The following ARHGAP35 variants were observed in gnomAD, a reference collection of about 807,000 sequenced individuals.
The protein encoded by ARHGAP35 is rho GTPase-activating protein 35.
In ARHGAP35, 15 loss-of-function variants were observed where a neutral mutation model predicts 111.1. That is an observed-to-expected ratio of 0.13 (90% CI 0.09 to 0.21). ARHGAP35 has a LOEUF of 0.21. Ranked by LOEUF, ARHGAP35 falls within the 10% of genes least tolerant of loss-of-function variation. The pLI is 1.00. For missense variants in ARHGAP35, 1,262 were observed against 1,873.0 expected (o/e 0.67, Z 6.02); for synonymous variants, 643 against 710.3 (o/e 0.91, Z 1.51).
intron 3 of ARHGAP35, among the ~76,000 whole-genome samples, chr19:46,976,083 T>C (rs917990230): frequency 6.6e-6 from 1 of 152,218 alleles, no homozygotes; most frequent in African/African-American, 2.4e-5. Context: ...TGAGGTATAC[T>C]GTTTCATATG....
chr19:46,987,644 A>C (rs2056658404), intron 3 of ARHGAP35, among the ~76,000 whole-genome samples: 1 of 152,250 alleles, frequency 6.6e-6, no homozygotes, highest in Non-Finnish European at 1.5e-5. Context: ...AAGTGAAAGT[A>C]ATTGGGTTAA....
rs538756088 is a variant in ARHGAP35, at chr19:46,960,185, C to T, written c.3826+22777C>T. ...AGGAATGTGTGCTTATGCCCTTTTC[C>T]GCCTTCTCTCCATTAGCCCTGGCTG... On this transcript the variant is annotated intron_variant, in intron 3 of 6. Transcript: ENST00000672722. Among the ~76,000 whole-genome samples the T allele has an allele frequency of 9.9e-5, 15 of 151,870 alleles. No homozygotes were observed. The East Asian group carries it at 1.7e-3, about 18-fold the overall frequency.
At chr19:46,960,608 T>TA (rs1054930283) in intron 3 of ARHGAP35, among the ~76,000 whole-genome samples, 15 of 152,040 alleles carry the variant, frequency 9.9e-5, no homozygotes, top group East Asian at 1.9e-4. Flanking sequence ...CGTATTTTGT[T>TA]AAAAAAAATT....
At chr19:46,904,435 T>C (rs2056095740) in intron 1 of ARHGAP35, among the ~76,000 whole-genome samples, 1 of 152,228 alleles carries the variant, frequency 6.6e-6, no homozygotes, top group African/African-American at 2.4e-5. Flanking sequence ...TTGGCTAATC[T>C]TCTGTCAGCG....
chr19:46,967,838 C>G (rs2056523998), intron 3 of ARHGAP35, among the ~76,000 whole-genome samples: 1 of 152,232 alleles, frequency 6.6e-6, no homozygotes, highest in Non-Finnish European at 1.5e-5. Context: ...GAGACTCCCT[C>G]CCAGAGTCCT....
At position 47,000,975 on chromosome 19, in the gene ARHGAP35, C is replaced by T. The variant is rs975630472; in HGVS notation, c.*287C>T. 14 of 1,504,058 alleles carry T rather than the reference C, an allele frequency of 9.3e-6. 1 individual carries two copies. In the South Asian group the frequency reaches 1.3e-4, roughly 14 times the overall value. The allele number at this position is 1,504,058 out of a possible 1,614,324, so 93.2% of individuals were successfully genotyped here. On this transcript the variant is annotated 3_prime_UTR_variant, in exon 7 of 7. Transcript: ENST00000672722. This position sits in a 1 kb window ranked among gnomAD's most constrained non-coding sequence, Gnocchi z 6.9. ...CTCTGTTCCCTGGACCACCACCCCA[C>T]GTAGCTGCTCACACCAGCCTCCGGG...
At chr19:46,900,261 AC>A (rs1342590089) in intron 1 of ARHGAP35, among the ~76,000 whole-genome samples, 5 of 133,184 alleles carry the variant, frequency 3.8e-5, no homozygotes, top group Admixed American at 2.6e-4. Flanking sequence ...TCACTCTGTC[AC>A]CCAAGTTGGA....
chr19:46,883,438 CAG>C (rs773834118), intron 1 of ARHGAP35, among the ~76,000 whole-genome samples: 6 of 152,148 alleles, frequency 3.9e-5, no homozygotes, highest in Non-Finnish European at 7.4e-5. Flanking sequence ...TCTCAGAGAA[CAG>C]GGACAGAGAT....
intron 1 of ARHGAP35, among the ~76,000 whole-genome samples, chr19:46,904,892 ATATGTGCC>A: frequency 6.6e-6 from 1 of 152,166 alleles, no homozygotes; most frequent in Admixed American, 6.5e-5. Flanking sequence ...GTCTCCCACC[ATATGTGCC>A]TATGCTCCGC....
intron 1 of ARHGAP35, among the ~76,000 whole-genome samples, chr19:46,889,487 T>A (rs311375): frequency 0.59 from 90,045 of 151,486 alleles, 27,125 homozygotes; most frequent in Middle Eastern, 0.81. Context: ...CAAAGAACCG[T>A]TCTTTAGTAA....
At chr19:46,867,870 A>AT (rs896984081) in intron 1 of ARHGAP35, among the ~76,000 whole-genome samples, 34 of 151,536 alleles carry the variant, frequency 2.2e-4, no homozygotes, top group African/African-American at 8.0e-4. Context: ...CTTTTTTTAA[A>AT]TTTTTTCTTT....
intron 3 of ARHGAP35, among the ~76,000 whole-genome samples, chr19:46,976,452 G>A (rs1396054877): frequency 1.3e-5 from 2 of 152,164 alleles, no homozygotes; most frequent in Non-Finnish European, 2.9e-5. Context: ...CTGGCACACC[G>A]CCTGGAGAGC....
rs771270078 is a variant in ARHGAP35, at chr19:47,000,581, A to G, written c.4393A>G (p.Thr1465Ala). Residue 1465 changes from threonine (T) to alanine (A), a missense_variant, in exon 7 of 7, where the codon ACG becomes GCG. Coordinates refer to ENST00000672722, the MANE Select transcript of ARHGAP35 (RefSeq NM_004491.5). This position sits in a 1 kb window ranked among gnomAD's most constrained non-coding sequence, Gnocchi z 6.9. ...TTCCACCGTCCCCTTCCTCACTTCCACGCCTGTCACAAGTCAGCCGTCGCC... is the reference window on the plus strand; with the variant it reads ...TTCCACCGTCCCCTTCCTCACTTCCGCGCCTGTCACAAGTCAGCCGTCGCC... The part of the protein sequence containing the change: ...VASTVPFLTS[T>A]PVTSQPSPPQ... The G allele has an allele frequency of 2.6e-5, 41 of 1,604,956 alleles. No homozygotes were observed. In the South Asian group the frequency reaches 4.4e-4, roughly 17 times the overall value.
Position 46,978,939 on chromosome 19 carries a change from G to A in ARHGAP35, c.3827-9050G>A, listed in dbSNP as rs573868572. On this transcript the variant is annotated intron_variant, in intron 3 of 6. Coordinates refer to ENST00000672722, the MANE Select transcript of ARHGAP35 (RefSeq NM_004491.5). ...TGTGTGTGGTGGGGTTTGTGTGGTG[G>A]GCTGTGTGTGTGTGGTGGGGTTTGG... Among the ~76,000 whole-genome samples, 56 of 135,694 alleles carry A rather than the reference G, an allele frequency of 4.1e-4. 1 individual carries two copies. The highest frequency in any genetic ancestry group is 1.5e-3 in the African/African-American group (54 of 36,238). The allele number at this position is 135,694 out of a possible 152,430, so 89.0% of individuals were successfully genotyped here.
intron 1 of ARHGAP35, among the ~76,000 whole-genome samples, chr19:46,903,622 G>A (rs973513778): frequency 6.6e-6 from 1 of 152,242 alleles, no homozygotes; most frequent in Middle Eastern, 3.2e-3. Flanking sequence ...TGTCATGGAA[G>A]AGTAGGCCAG....
chr19:46,966,414 TGGTGCATACCTGTAGTCCTG>T (rs1454678709), intron 3 of ARHGAP35, among the ~76,000 whole-genome samples: 2 of 152,166 alleles, frequency 1.3e-5, no homozygotes, highest in Non-Finnish European at 2.9e-5. Context: ...TCAGGTGTGC[TGGTGCATACCTGTAGTCCTG>T]GCTGATTGGG....
rs1442977747 is a variant in ARHGAP35, at chr19:46,989,541, C to T, written c.3905-3C>T. On this transcript the variant is annotated splice_polypyrimidine_tract_variant and splice_region_variant and intron_variant, in intron 4 of 6. Coordinates refer to ENST00000672722, the MANE Select transcript of ARHGAP35 (RefSeq NM_004491.5). The surrounding 1 kb of genome is among the most constrained non-coding windows in gnomAD (Gnocchi z 5.3). Reference sequence around the variant, plus strand: ...TGGCCTCACTCTCCTGACTTCCTTTCAGACCACAACCTGGACCTGGCAGAG... The same window carrying T: ...TGGCCTCACTCTCCTGACTTCCTTTTAGACCACAACCTGGACCTGGCAGAG... 6.2e-7 allele frequency: 1 copy of T among 1,613,814 alleles called. No homozygotes were observed. Among genetic ancestry groups the T allele is most frequent in the African/African-American group, 1.3e-5 (1 of 75,044 alleles).
In ARHGAP35 at chr19:46,937,344, C is replaced by T. The variant is rs763988029; in HGVS notation, c.3762C>T (p.Val1254=). ...ATTTTGGGGTGCCCTTAACAACTGT[C>T]GTGACTCCAGAGAAGCCGATCCCCA... ...SNYFGVPLTT[V]VTPEKPIPIF... Residue 1254 remains valine, a synonymous_variant, in exon 3 of 7, where the codon GTC becomes GTT. Coordinates refer to ENST00000672722, the MANE Select transcript of ARHGAP35 (RefSeq NM_004491.5). 16 of 1,613,800 alleles carry T rather than the reference C, an allele frequency of 9.9e-6. No homozygotes were observed. Among genetic ancestry groups the T allele is most frequent in the East Asian group, 2.2e-5 (1 of 44,896 alleles).
intron 3 of ARHGAP35, among the ~76,000 whole-genome samples, chr19:46,956,847 G>A (rs916609519): frequency 6.6e-6 from 1 of 151,522 alleles, no homozygotes; most frequent in Non-Finnish European, 1.5e-5. Flanking sequence ...AGTATTTTAT[G>A]TATGCATATA....
Sources: gnomAD v4.1 joint callset for allele counts (sites outside exome capture counted in the v4.1 genomes callset) on GRCh38, gnomAD v4.1.1 for gene constraint, Gnocchi (gnomAD v3.1) non-coding constraint, MANE v1.5 for transcripts, NCBI Gene and HGNC (gene_info 2026-07-23, HGNC 2026-07-21) for gene names.